DOCK1: variants seen among roughly 807,000 people sequenced by gnomAD.
DOCK1 encodes dedicator of cytokinesis 1, also known as dedicator of cytokinesis protein 1.
DOCK1 carries 138 observed loss-of-function variants against 262.7 expected under a neutral mutation model. That is an observed-to-expected ratio of 0.53 (90% CI 0.46 to 0.61). The LOEUF (loss-of-function observed/expected upper bound fraction) is 0.61, where lower values mean the gene tolerates loss of function less well. Among genes scored for constraint, DOCK1 ranks in the 20% least tolerant of loss-of-function variants. DOCK1 has a pLI of 0.00. For synonymous variants in DOCK1, 866 were observed against 867.4 expected (o/e 1.00, Z 0.03); for missense variants, 1,908 against 2,370.7 (o/e 0.80, Z 4.05).
intron 1 of DOCK1, among the ~76,000 whole-genome samples, chr10:126,963,941 G>A (rs969307851): frequency 4.5e-4 from 68 of 152,148 alleles, no homozygotes; most frequent in South Asian, 2.7e-3. Flanking sequence ...TGGTGATGGC[G>A]TGGCTGCCAG....
In DOCK1 at chr10:127,110,281, C is replaced by T. The variant is rs566942788; in HGVS notation, c.2550C>T (p.Pro850=). The change falls in exon 25 of 52, where the codon CCC becomes CCT. Residue 850 remains proline (P), a synonymous_variant. Coordinates refer to ENST00000623213, the MANE Select transcript of DOCK1 (RefSeq NM_001290223.2). ...KMFTEFILNV[P]MGLLTIQKLY... ...TTACTGAATTCATCCTCAATGTTCC[C>T]ATGGGCTTGCTGACCATCCAGAAAC... 3.6e-4 allele frequency: 586 copies of T among 1,613,624 alleles called. 7 individuals carry two copies. The South Asian group carries it at 5.9e-3, about 16-fold the overall frequency.
intron 48 of DOCK1, among the ~76,000 whole-genome samples, chr10:127,434,149 CT>C (rs758390512): frequency 9.1e-4 from 131 of 143,246 alleles, no homozygotes; most frequent in Middle Eastern, 3.7e-3. Flanking sequence ...GCCGGGCCTT[CT>C]TTTTTTTTTT....
At chr10:127,199,380 C>T (rs551442596) in intron 27 of DOCK1, among the ~76,000 whole-genome samples, 40 of 152,206 alleles carry the variant, frequency 2.6e-4, no homozygotes, top group Middle Eastern at 6.8e-3. Context: ...CAAGAATATA[C>T]AAGTCAAACA....
At chr10:126,935,410 A>C (rs1258734311) in intron 1 of DOCK1, among the ~76,000 whole-genome samples, 3 of 152,182 alleles carry the variant, frequency 2.0e-5, no homozygotes, top group Admixed American at 2.0e-4. Flanking sequence ...TCTGGCTTGC[A>C]TCCATGTAGG....
intron 29 of DOCK1, among the ~76,000 whole-genome samples, chr10:127,268,915 G>T (rs78855431): frequency 0.015 from 2,272 of 152,268 alleles, 61 homozygotes; most frequent in East Asian, 0.1. Context: ...TTCTCAGGGT[G>T]CTTGGGCTGC....
At chr10:126,925,371 CAT>C (rs768594998) in intron 1 of DOCK1, among the ~76,000 whole-genome samples, 6 of 152,212 alleles carry the variant, frequency 3.9e-5, no homozygotes, top group Non-Finnish European at 7.3e-5. Flanking sequence ...TCAGGGTACT[CAT>C]GTGAACATTT....
Position 127,362,178 on chromosome 10 carries a change from A to G in DOCK1, c.3398A>G (p.Gln1133Arg). The change falls in exon 33 of 52, where the codon CAG (glutamine) becomes CGG (arginine). Residue 1133 changes from glutamine (Q) to arginine (R), a missense_variant. Transcript: ENST00000623213. The part of the protein sequence containing the change: ...ATIPIFFDMM[Q>R]CEFHSTRSFQ... Reference sequence around the variant, plus strand: ...ATCCCCATCTTCTTTGATATGATGCAGTGTGAATTCCATTCGACCCGAAGC... The same window carrying G: ...ATCCCCATCTTCTTTGATATGATGCGGTGTGAATTCCATTCGACCCGAAGC... 6.2e-7 allele frequency: 1 copy of G among 1,613,914 alleles called. No individual in the cohort carries two copies. Among genetic ancestry groups the G allele is most frequent in the Non-Finnish European group, 8.5e-7 (1 of 1,179,882 alleles).
intron 5 of DOCK1, among the ~76,000 whole-genome samples, chr10:126,990,005 G>A (rs1467678939): frequency 6.6e-6 from 1 of 152,164 alleles, no homozygotes; most frequent in Non-Finnish European, 1.5e-5. Context: ...CAGGTTCTCA[G>A]TGTGCTGAGA....
intron 27 of DOCK1, among the ~76,000 whole-genome samples, chr10:127,183,227 A>C (rs2055908359): frequency 6.6e-6 from 1 of 152,004 alleles, no homozygotes; most frequent in East Asian, 1.9e-4. Flanking sequence ...ATTTGAGGAT[A>C]CCCTATTGGG....
At chr10:127,227,350 C>G (rs781654023) in intron 27 of DOCK1, among the ~76,000 whole-genome samples, 64 of 152,324 alleles carry the variant, frequency 4.2e-4, no homozygotes, top group Non-Finnish European at 7.2e-4. Flanking sequence ...TGGTAAGACC[C>G]TGCCAGTGCG....
rs148793943 is a variant in DOCK1, at chr10:127,061,580, A to G, written c.2337-88A>G. The stretch of plus-strand genomic sequence containing the variant: ...GTCTCTCATTCTAACTTGTCACCCA[A>G]GTGATTCCCTTCATGGCTATAGACA... On this transcript the variant is annotated intron_variant, in intron 22 of 51. Transcript: ENST00000623213. 30 of 1,110,686 alleles carry G rather than the reference A, an allele frequency of 2.7e-5. No individual in the cohort carries two copies. In the African/African-American group the frequency reaches 3.0e-4, roughly 11 times the overall value. The allele number at this position is 1,110,686 out of a possible 1,614,324, so 68.8% of individuals were successfully genotyped here.
rs773566933 is a variant in DOCK1, at chr10:127,012,648, G to C, written c.1201+274G>C. Among the ~76,000 whole-genome samples the C allele has an allele frequency of 6.6e-6, 1 of 152,164 alleles. No homozygotes were observed. The highest frequency in any genetic ancestry group is 6.5e-5 in the Admixed American group (1 of 15,276). On this transcript the variant is annotated intron_variant, in intron 12 of 51. Transcript: ENST00000623213. The surrounding 1 kb of genome is among the most constrained non-coding windows in gnomAD (Gnocchi z 4.0). ...TTAGAGGAACATGCAGGCGGTAGGC[G>C]TAACTCCCTCTGCCCGTGTTGTGTG...
chr10:126,910,843 C>T (rs762089681), intron 1 of DOCK1, among the ~76,000 whole-genome samples: 5 of 152,070 alleles, frequency 3.3e-5, no homozygotes, highest in African/African-American at 4.8e-5. Context: ...GGTAAGCTTT[C>T]GGGATTGGCT....
At chr10:127,331,279 GT>G (rs879258619) in intron 29 of DOCK1, among the ~76,000 whole-genome samples, 1 of 151,722 alleles carries the variant, frequency 6.6e-6, no homozygotes, top group Non-Finnish European at 1.5e-5. Flanking sequence ...TGTTGTTTTT[GT>G]TTTTTTTTGT....
chr10:127,199,809 A>G (rs911109936), intron 27 of DOCK1, among the ~76,000 whole-genome samples: 4 of 152,124 alleles, frequency 2.6e-5, no homozygotes, highest in African/African-American at 9.7e-5. Flanking sequence ...TCTCAGTGTG[A>G]CCTCATTTGT....
Position 127,205,859 on chromosome 10 carries a change from C to T in DOCK1, c.2848-42149C>T, listed in dbSNP as rs547344007. ...CCCCTGTTCTTTACTTCTTGACAAG[C>T]ATGAATAGTCTCTCTGTTTGAATAC... On this transcript the variant is annotated intron_variant, in intron 27 of 51. Transcript: ENST00000623213. Among the ~76,000 whole-genome samples the T allele has an allele frequency of 3.0e-4, 45 of 152,286 alleles. No individual in the cohort carries two copies. The East Asian group carries it at 6.0e-3, about 20-fold the overall frequency.
intron 12 of DOCK1, chr10:127,015,003 C>T (rs2041751425): frequency 6.6e-6 from 1 of 152,130 alleles, no homozygotes; most frequent in Admixed American, 6.5e-5. Context: ...GTTTAGCTCC[C>T]ACTTGCCTTT....
chr10:127,329,432 T>C (rs1160193817), intron 29 of DOCK1, among the ~76,000 whole-genome samples: 5 of 148,092 alleles, frequency 3.4e-5, no homozygotes, highest in African/African-American at 1.3e-4. Flanking sequence ...GGGCAGGGTC[T>C]CTGGGGTGCT....
chr10:127,338,395 T>G (rs2063290000), intron 29 of DOCK1, among the ~76,000 whole-genome samples: 2 of 152,230 alleles, frequency 1.3e-5, no homozygotes, highest in African/African-American at 4.8e-5. Flanking sequence ...AAATTATACT[T>G]TATCAATGAA....
Sources: allele counts gnomAD v4.1 joint callset (sites outside exome capture counted in the v4.1 genomes callset), GRCh38; gene constraint gnomAD v4.1.1; non-coding constraint Gnocchi (gnomAD v3.1); transcripts MANE v1.5; gene names NCBI Gene and HGNC (gene_info 2026-07-23, HGNC 2026-07-21).